The following PDE8A variants were observed in gnomAD, a reference collection of about 807,000 sequenced individuals.
PDE8A encodes the protein high affinity cAMP-specific and IBMX-insensitive 3',5'-cyclic phosphodiesterase 8A.
A neutral mutation model predicts 105.0 loss-of-function variants in PDE8A; 59 were observed. The observed-to-expected ratio is 0.56, with a 90% confidence interval of 0.46 to 0.70. The LOEUF is 0.70. Ranked by LOEUF, PDE8A falls within the 30% of genes least tolerant of loss-of-function variation. The probability of loss-of-function intolerance (pLI) is 0.00; values close to 1 mark genes in which losing one functional copy is unlikely to be tolerated. For missense variants in PDE8A, 1,014 were observed against 1,045.9 expected, an observed-to-expected ratio of 0.97 and a Z score of 0.42; for synonymous variants, 355 against 371.9, an observed-to-expected ratio of 0.95 and a Z score of 0.52.
intron 20 of PDE8A, 135 bp from the exon 21 acceptor site, chr15:85,136,399 T>G: frequency 1.3e-6 from 1 of 794,638 alleles, no homozygotes; most frequent in Non-Finnish European, 2.0e-6. Flanking sequence ...TTTGGCTGCG[T>G]GAGGTGGTGA....
intron 8 of PDE8A, among the ~76,000 whole-genome samples, chr15:85,094,908 A>G (rs2081717093): frequency 6.6e-6 from 1 of 152,208 alleles, no homozygotes; most frequent in South Asian, 2.1e-4. Context: ...CTTCCTCAGC[A>G]TAGAGCTCAT....
chr15:85,084,779 A>T (rs981151010), intron 6 of PDE8A, among the ~76,000 whole-genome samples: 2 of 152,174 alleles, frequency 1.3e-5, no homozygotes, highest in East Asian at 3.8e-4. Context: ...TTCCATCTCT[A>T]AATCTGACTG....
At chr15:85,097,819 G>T (rs1009946196) in intron 8 of PDE8A, 129 bp from the exon 9 acceptor site, 4 of 627,350 alleles carry the variant, frequency 6.4e-6, no homozygotes, top group Admixed American at 5.8e-5. Context: ...CCTGAAATCA[G>T]TTTGGGGTTG....
chr15:85,077,275 C>T (rs1177663457), intron 5 of PDE8A, among the ~76,000 whole-genome samples: 1 of 152,202 alleles, frequency 6.6e-6, no homozygotes, highest in Non-Finnish European at 1.5e-5. Context: ...ACACAGCTCT[C>T]TTTCTCTCCA....
intron 5 of PDE8A, among the ~76,000 whole-genome samples, chr15:85,082,454 A>G (rs998162135): frequency 1.3e-5 from 2 of 151,998 alleles, no homozygotes; most frequent in Non-Finnish European, 2.9e-5. Context: ...AGTTGAGGAA[A>G]CAGGCTCAGG....
chr15:85,097,939 C>T lies in PDE8A; in HGVS notation c.853-9C>T. The T allele has an allele frequency of 6.9e-7, 1 of 1,446,610 alleles. No individual in the cohort carries two copies. The highest frequency in any genetic ancestry group is 9.7e-7 in the Non-Finnish European group (1 of 1,028,904). 89.6% of individuals were successfully genotyped at this position (1,446,610 alleles called of 1,614,324 possible). ...ACAAAGTATGACGATGCTTACATTC[C>T]ATTTATAGGAGTGGCAAGGAATTTA... On this transcript the variant is annotated splice_polypyrimidine_tract_variant and intron_variant, in intron 8 of 21. Coordinates refer to ENST00000394553, the MANE Select transcript of PDE8A (RefSeq NM_002605.3).
chr15:85,084,503 G>A (rs1285177664), intron 6 of PDE8A, among the ~76,000 whole-genome samples: 1 of 152,168 alleles, frequency 6.6e-6, no homozygotes, highest in East Asian at 1.9e-4. Flanking sequence ...GTAGATGGTT[G>A]CCCTTGGGCC....
intron 6 of PDE8A, among the ~76,000 whole-genome samples, chr15:85,086,293 G>A (rs918269330): frequency 6.6e-6 from 1 of 152,116 alleles, no homozygotes; most frequent in Non-Finnish European, 1.5e-5. Context: ...ACTTATAAAA[G>A]CCACATTTTA....
Position 85,008,480 on chromosome 15 carries a change from A to G in PDE8A, c.186+26132A>G, listed in dbSNP as rs557179589. Among the ~76,000 whole-genome samples the G allele has an allele frequency of 4.7e-4, 72 of 152,058 alleles. No homozygotes were observed. The Middle Eastern group carries it at 0.017, about 36-fold the overall frequency. On this transcript the variant is annotated intron_variant, in intron 1 of 21. Transcript: ENST00000394553. ...CCCCACCCCCAGTTCAGTTGGAGAA[A>G]GTTGAAGTCATTCTAGTTCCACACT...
intron 6 of PDE8A, among the ~76,000 whole-genome samples, chr15:85,087,182 A>G (rs1231486922): frequency 1.3e-5 from 2 of 151,810 alleles, no homozygotes; most frequent in East Asian, 3.9e-4. Flanking sequence ...TAATACCAGC[A>G]ATAATGTAAA....
intron 1 of PDE8A, among the ~76,000 whole-genome samples, chr15:85,037,959 C>T (rs1027819380): frequency 1.3e-4 from 20 of 152,206 alleles, no homozygotes; most frequent in Admixed American, 1.1e-3. Context: ...GATGCAAACA[C>T]TTCTTTTTCC....
chr15:85,096,041 A>G (rs909049035), intron 8 of PDE8A, among the ~76,000 whole-genome samples: 4 of 151,416 alleles, frequency 2.6e-5, no homozygotes, highest in Non-Finnish European at 5.9e-5. Context: ...ACACCCAGCT[A>G]ATTTTTTGTA....
intron 1 of PDE8A, among the ~76,000 whole-genome samples, chr15:85,000,806 C>T (rs1327870106): frequency 6.6e-6 from 1 of 152,166 alleles, no homozygotes. Context: ...AGCCAGGTAG[C>T]TAAAATAATC....
chr15:85,056,562 T>C (rs2081063081), intron 1 of PDE8A, among the ~76,000 whole-genome samples: 1 of 152,196 alleles, frequency 6.6e-6, no homozygotes, highest in Non-Finnish European at 1.5e-5. Flanking sequence ...ATTCATTTGA[T>C]CTTCAGTCAC....
chr15:85,135,382 T>A (rs1313476938), intron 20 of PDE8A, among the ~76,000 whole-genome samples: 3 of 152,152 alleles, frequency 2.0e-5, no homozygotes, highest in Non-Finnish European at 4.4e-5. Flanking sequence ...CCCAGAGGGC[T>A]GGCTCTACCC....
chr15:85,099,966 T>C lies in PDE8A; in HGVS notation c.942-49T>C, dbSNP rs767636553. On this transcript the variant is annotated intron_variant, in intron 9 of 21. Coordinates refer to ENST00000394553, the MANE Select transcript of PDE8A (RefSeq NM_002605.3). The stretch of plus-strand genomic sequence containing the variant: ...TAATGAAAAATTAACGACATATCCA[T>C]CAAATTAGAGACTCAGAAGAGAAAT... 15 of 1,462,948 alleles carry C rather than the reference T, an allele frequency of 1.0e-5. No individual in the cohort carries two copies. The Admixed American group carries it at 2.9e-4, about 28-fold the overall frequency. The allele number at this position is 1,462,948 out of a possible 1,614,324, so 90.6% of individuals were successfully genotyped here. A position where few individuals can be genotyped will look rare whatever the true frequency, so the allele number is the denominator to read the frequency against.
At chr15:85,059,166 T>C (rs1479837621) in intron 1 of PDE8A, among the ~76,000 whole-genome samples, 1 of 152,218 alleles carries the variant, frequency 6.6e-6, no homozygotes, top group Non-Finnish European at 1.5e-5. Context: ...TTGTTTAATT[T>C]CCACAATTTT....
rs996453388 is a variant in PDE8A, at chr15:85,004,777, A to G, written c.186+22429A>G. ...TTGAACACAACCAAGTTGGGTCTGA[A>G]TGGATGTATCTTAGTTTCACTTCCC... On this transcript the variant is annotated intron_variant, in intron 1 of 21. Transcript: ENST00000394553. 2.6e-5 allele frequency among the ~76,000 whole-genome samples: 4 copies of G among 151,752 alleles called. No individual in the cohort carries two copies. In the South Asian group the frequency reaches 8.3e-4, roughly 32 times the overall value.
chr15:85,099,994 T>C, intron 9 of PDE8A, 21 bp from the exon 10 acceptor site: 1 of 1,586,364 alleles, frequency 6.3e-7, no homozygotes, highest in Non-Finnish European at 8.6e-7. Flanking sequence ...AGAGAAATAA[T>C]GCATTGTTTT....
Sources: gnomAD v4.1 joint callset for allele counts (sites outside exome capture counted in the v4.1 genomes callset) on GRCh38, gnomAD v4.1.1 for gene constraint, MANE v1.5 for transcripts, NCBI Gene and HGNC (gene_info 2026-07-23, HGNC 2026-07-21) for gene names.